STK26: variants seen among roughly 807,000 people sequenced by gnomAD.
STK26 encodes the protein serine/threonine-protein kinase 26.
A neutral mutation model predicts 34.7 loss-of-function variants in STK26; 14 were observed. That is an observed-to-expected ratio of 0.40 (90% CI 0.27 to 0.63). The LOEUF is 0.63. Among genes scored for constraint, STK26 ranks in the 30% least tolerant of loss-of-function variants. The pLI, the probability that STK26 is intolerant of heterozygous loss-of-function variation, is 0.38. For missense variants in STK26, 226 were observed against 309.1 expected (o/e 0.73, Z 2.02); for synonymous variants, 100 against 109.8 (o/e 0.91, Z 0.56).
chrX:132,025,850 TG>T (rs1254053536), intron 2 of STK26, among the ~76,000 whole-genome samples: 1 of 111,300 alleles, frequency 9.0e-6, no homozygotes, highest in East Asian at 2.8e-4. Flanking sequence ...TTTTTATTAT[TG>T]TTATGTAGCA....
At chrX:132,044,669 ATC>A (rs1926390499) in intron 2 of STK26, among the ~76,000 whole-genome samples, 1 of 59,984 alleles carries the variant, frequency 1.7e-5, no homozygotes, top group Non-Finnish European at 3.1e-5. Flanking sequence ...CTCTCTCGAG[ATC>A]TATATATATA....
At chrX:132,046,803 G>C (rs1334902207) in intron 2 of STK26, among the ~76,000 whole-genome samples, 1 of 111,695 alleles carries the variant, frequency 9.0e-6, no homozygotes, top group African/African-American at 3.3e-5. Context: ...GAAGCCCAGG[G>C]TTGATGTAAT....
chrX:132,071,279 C>G, intron 8 of STK26, 62 bp downstream of exon 8: 1 of 1,109,416 alleles, frequency 9.0e-7, no homozygotes, highest in African/African-American at 1.8e-5. Context: ...TATCTTTTAG[C>G]TATGCTCCAG....
At chrX:132,030,326 C>T (rs1450995468) in intron 2 of STK26, among the ~76,000 whole-genome samples, 1 of 109,996 alleles carries the variant, frequency 9.1e-6, no homozygotes, top group Non-Finnish European at 1.9e-5. Context: ...TTTCTCCTTC[C>T]TTCTACTTGT....
chrX:132,065,703 C>T (rs1298670573), intron 4 of STK26, among the ~76,000 whole-genome samples: 2 of 112,226 alleles, frequency 1.8e-5, no homozygotes, highest in Admixed American at 9.4e-5. Context: ...AGGTCATAAA[C>T]CCAGTGCTAA....
chrX:132,036,420 C>A (rs1433662683), intron 2 of STK26, among the ~76,000 whole-genome samples: 1 of 111,523 alleles, frequency 9.0e-6, no homozygotes, highest in Admixed American at 9.5e-5. Flanking sequence ...CATGGTAAAA[C>A]CCTGTCTCTA....
At chrX:132,062,102 A>G (rs1344904602) in intron 3 of STK26, among the ~76,000 whole-genome samples, 2 of 112,243 alleles carry the variant, frequency 1.8e-5, no homozygotes, top group East Asian at 2.8e-4. Context: ...CTTAGACATT[A>G]TTTTTATGGG....
Position 132,074,267 on chromosome X carries a change from T to G in STK26, c.*108T>G. The G allele has an allele frequency of 1.3e-6, 1 of 743,195 alleles. No individual in the cohort carries two copies. Among genetic ancestry groups the G allele is most frequent in the Non-Finnish European group, 1.9e-6 (1 of 516,176 alleles). 61.2% of individuals were successfully genotyped at this position (743,195 alleles called of 1,213,427 possible). A position where few individuals can be genotyped will look rare whatever the true frequency, so the allele number is the denominator to read the frequency against. On this transcript the variant is annotated 3_prime_UTR_variant, in exon 12 of 12. Transcript: ENST00000394334. ...GAGCTCCATGTGCCTTTTGGATCTT[T>G]GCAACACTGAAGATTTGGAAGAAGC... is the stretch of plus-strand genomic sequence containing the variant.
At chrX:132,041,222 G>C (rs1285776179) in intron 2 of STK26, among the ~76,000 whole-genome samples, 1 of 111,494 alleles carries the variant, frequency 9.0e-6, no homozygotes, top group African/African-American at 3.3e-5. Context: ...GATGAGTCAA[G>C]CCAGGCTTGC....
rs753019158 is a variant in STK26 at position 132,069,220 on chromosome X, C to T, written c.598-258C>T. 1.1e-4 allele frequency among the ~76,000 whole-genome samples: 12 copies of T among 106,668 alleles called. No individual in the cohort carries two copies. The South Asian group carries it at 5.1e-3, about 45-fold the overall frequency. The allele number at this position is 106,668 out of a possible 115,157, so 92.6% of individuals were successfully genotyped here. A position where few individuals can be genotyped will look rare whatever the true frequency, so the allele number is the denominator to read the frequency against. On this transcript the variant is annotated intron_variant, in intron 6 of 11. Coordinates refer to ENST00000394334, the MANE Select transcript of STK26 (RefSeq NM_016542.4). Reference sequence around the variant, plus strand: ...GTCTGGCTTATACACTACTGAAATCCTCCATTCCGAGAAGGGTACCTGGCA... The same window carrying T: ...GTCTGGCTTATACACTACTGAAATCTTCCATTCCGAGAAGGGTACCTGGCA...
intron 4 of STK26, among the ~76,000 whole-genome samples, chrX:132,064,109 G>A (rs1453110844): frequency 9.0e-6 from 1 of 111,597 alleles, no homozygotes; most frequent in African/African-American, 3.3e-5. Flanking sequence ...TACCAGACTC[G>A]AATCTGCCAG....
intron 2 of STK26, among the ~76,000 whole-genome samples, chrX:132,030,565 A>G (rs1412791654): frequency 1.8e-5 from 2 of 112,030 alleles, no homozygotes; most frequent in Non-Finnish European, 3.8e-5. Context: ...CATTTTACAG[A>G]GAATTATACC....
At chrX:132,044,212 G>A (rs957556673) in intron 2 of STK26, among the ~76,000 whole-genome samples, 3 of 111,442 alleles carry the variant, frequency 2.7e-5, no homozygotes, top group African/African-American at 6.5e-5. Context: ...GTAAGGCAGA[G>A]CCCTATCCTT....
chrX:132,060,163 A>G (rs1926998612), intron 3 of STK26, among the ~76,000 whole-genome samples: 2 of 111,984 alleles, frequency 1.8e-5, no homozygotes, highest in Admixed American at 1.9e-4. Flanking sequence ...TCGTCTGACA[A>G]CTTCTAAACT....
At chrX:132,067,668 G>T (rs926012693) in intron 4 of STK26, among the ~76,000 whole-genome samples, 1 of 110,375 alleles carries the variant, frequency 9.1e-6, no homozygotes. Flanking sequence ...TATATTCTTG[G>T]CTAAATTTAC....
chrX:132,058,453 C>G (rs1168809358), intron 3 of STK26, among the ~76,000 whole-genome samples: 1 of 111,051 alleles, frequency 9.0e-6, no homozygotes, highest in Non-Finnish European at 1.9e-5. Flanking sequence ...AATGGCTATT[C>G]CATAATATAT....
chrX:132,069,588 T>A lies in STK26; in HGVS notation c.708T>A (p.Pro236=). ...TGTTTCTTATTCCCAAAAACAATCCTCCAACTCTTGTTGGAGACTTTACTA... is the reference window on the plus strand; with the variant it reads ...TGTTTCTTATTCCCAAAAACAATCCACCAACTCTTGTTGGAGACTTTACTA... ...RVLFLIPKNN[P]PTLVGDFTKS... is the part of the protein sequence containing the mutation. Residue 236 remains proline, a synonymous_variant, in exon 7 of 12, where the codon CCT becomes CCA. Coordinates refer to ENST00000394334, the MANE Select transcript of STK26 (RefSeq NM_016542.4). 1 of 1,173,830 alleles carries A rather than the reference T, an allele frequency of 8.5e-7. No homozygotes were observed. Among genetic ancestry groups the A allele is most frequent in the South Asian group, 2.0e-5 (1 of 49,809 alleles).
intron 2 of STK26, among the ~76,000 whole-genome samples, chrX:132,029,276 T>C (rs1925734974): frequency 8.9e-6 from 1 of 112,073 alleles, no homozygotes; most frequent in Non-Finnish European, 1.9e-5. Flanking sequence ...TGATATTGTA[T>C]TTTTTATTCT....
chrX:132,038,761 G>A (rs1602748916), intron 2 of STK26, among the ~76,000 whole-genome samples: 1 of 102,374 alleles, frequency 9.8e-6, no homozygotes, highest in South Asian at 4.3e-4. Context: ...TGGCATTAAA[G>A]GTCTCCCTTG....
Sources: gnomAD v4.1 joint callset for allele counts (sites outside exome capture counted in the v4.1 genomes callset) on GRCh38, gnomAD v4.1.1 for gene constraint, MANE v1.5 for transcripts, NCBI Gene and HGNC (gene_info 2026-07-23, HGNC 2026-07-21) for gene names.